CSGALNACT2: variants seen among roughly 807,000 people sequenced by gnomAD.
The protein encoded by CSGALNACT2 is chondroitin sulfate N-acetylgalactosaminyltransferase 2.
CSGALNACT2 carries 35 observed loss-of-function variants against 55.3 expected under a neutral mutation model. The observed-to-expected ratio is 0.63, with a 90% confidence interval of 0.48 to 0.84. The LOEUF (loss-of-function observed/expected upper bound fraction) is 0.84. Among genes scored for constraint, CSGALNACT2 ranks in the 40% least tolerant of loss-of-function variants. The pLI is 0.00. For missense variants in CSGALNACT2, 544 were observed against 657.5 expected (o/e 0.83, Z 1.89); for synonymous variants, 196 against 224.9 (o/e 0.87, Z 1.15).
intron 4 of CSGALNACT2, among the ~76,000 whole-genome samples, chr10:43,161,562 T>C (rs1177058469): frequency 6.6e-6 from 1 of 152,162 alleles, no homozygotes; most frequent in African/African-American, 2.4e-5. Flanking sequence ...ACTGGGGTAG[T>C]TGGAAGAAGA....
chr10:43,177,156 T>C (rs1839496351), intron 7 of CSGALNACT2, among the ~76,000 whole-genome samples: 1 of 152,224 alleles, frequency 6.6e-6, no homozygotes, highest in Non-Finnish European at 1.5e-5. Flanking sequence ...ACTGATGCTC[T>C]TTTCCTTGAT....
In CSGALNACT2 at chr10:43,184,277, C is replaced by T. The variant is rs564058291; in HGVS notation, c.*735C>T. On this transcript the variant is annotated 3_prime_UTR_variant, in exon 8 of 8. Coordinates refer to ENST00000374466, the MANE Select transcript of CSGALNACT2 (RefSeq NM_018590.5). ...TATTTTGAACAAACAGAAAAGAACACGGAAACATTTTTAACAGAGCATTTA... is the reference window on the plus strand; with the variant it reads ...TATTTTGAACAAACAGAAAAGAACATGGAAACATTTTTAACAGAGCATTTA... The T allele has an allele frequency of 2.0e-5, 3 of 152,216 alleles. No homozygotes were observed. The highest frequency in any genetic ancestry group is 2.9e-5 in the Non-Finnish European group (2 of 68,010). The allele number at this position is 152,216 out of a possible 1,614,324, so 9.4% of individuals were successfully genotyped here.
intron 6 of CSGALNACT2, among the ~76,000 whole-genome samples, chr10:43,169,016 G>C (rs1244778224): frequency 2.0e-5 from 3 of 152,192 alleles, no homozygotes; most frequent in African/African-American, 7.2e-5. Context: ...AGGGAGCCTG[G>C]AATAAACATG....
At position 43,155,533 on chromosome 10, in the gene CSGALNACT2, T is replaced by C; in HGVS notation, c.384T>C (p.Ile128=). 1.2e-6 allele frequency: 2 copies of C among 1,614,198 alleles called. No homozygotes were observed. The highest frequency in any genetic ancestry group is 1.7e-6 in the Non-Finnish European group (2 of 1,180,046). ...SDLLEFLHSQ[I]DKAEVSIGAK... The stretch of plus-strand genomic sequence containing the variant: ...TTTTAGAGTTTCTTCATTCCCAAAT[T>C]GACAAAGCTGAAGTTAGCATAGGGG... The change falls in exon 2 of 8, where the codon ATT becomes ATC. Residue 128 remains isoleucine, a synonymous_variant. Coordinates refer to ENST00000374466, the MANE Select transcript of CSGALNACT2 (RefSeq NM_018590.5).
At chr10:43,138,884 G>T (rs1838556288) in intron 1 of CSGALNACT2, among the ~76,000 whole-genome samples, 1 of 152,186 alleles carries the variant, frequency 6.6e-6, no homozygotes, top group African/African-American at 2.4e-5. Flanking sequence ...TCGTCATCGC[G>T]TTAAAATAGT....
intron 1 of CSGALNACT2, among the ~76,000 whole-genome samples, chr10:43,146,961 A>AT (rs1564509484): frequency 8.9e-6 from 1 of 111,910 alleles, no homozygotes; most frequent in African/African-American, 3.4e-5. Context: ...AATGTTGAGC[A>AT]TCTTTTTTTT....
chr10:43,158,049 A>T (rs968325142), intron 2 of CSGALNACT2, among the ~76,000 whole-genome samples: 1 of 150,480 alleles, frequency 6.6e-6, no homozygotes, highest in African/African-American at 2.4e-5. Flanking sequence ...AAAAAAAAAA[A>T]TCAGATTGCC....
At chr10:43,172,617 T>G (rs1338190929) in intron 6 of CSGALNACT2, among the ~76,000 whole-genome samples, 1 of 152,180 alleles carries the variant, frequency 6.6e-6, no homozygotes, top group Non-Finnish European at 1.5e-5. Context: ...TCTGTTATAT[T>G]AATTCATCAA....
intron 5 of CSGALNACT2, 43 bp downstream of exon 5, chr10:43,164,087 A>AC: frequency 6.5e-7 from 1 of 1,536,710 alleles, no homozygotes; most frequent in East Asian, 2.3e-5. Flanking sequence ...AGAATTTAGA[A>AC]CGTTGTCAGC....
intron 6 of CSGALNACT2, among the ~76,000 whole-genome samples, chr10:43,170,549 C>A: frequency 6.6e-6 from 1 of 152,100 alleles, no homozygotes; most frequent in East Asian, 1.9e-4. Flanking sequence ...AAGTAAATAG[C>A]CATGAGTCTA....
At chr10:43,148,923 A>C (rs989002349) in intron 1 of CSGALNACT2, among the ~76,000 whole-genome samples, 1 of 152,176 alleles carries the variant, frequency 6.6e-6, no homozygotes, top group Non-Finnish European at 1.5e-5. Context: ...GTACAATATA[A>C]ATAGAAGTGA....
At chr10:43,169,365 T>C (rs543293624) in intron 6 of CSGALNACT2, among the ~76,000 whole-genome samples, 4 of 152,336 alleles carry the variant, frequency 2.6e-5, no homozygotes, top group African/African-American at 4.8e-5. Flanking sequence ...AATTAACACA[T>C]GAGTATATGA....
Position 43,183,451 on chromosome 10 carries a change from A to G in CSGALNACT2, c.1538A>G (p.His513Arg). The G allele has an allele frequency of 6.2e-7, 1 of 1,614,012 alleles. No individual in the cohort carries two copies. The highest frequency in any genetic ancestry group is 8.5e-7 in the Non-Finnish European group (1 of 1,179,998). The change falls in exon 8 of 8, where the codon CAC becomes CGC. Residue 513 changes from histidine (H) to arginine (R), a missense_variant. Physicochemically the swap from His to Arg is conservative, Grantham distance 29. Coordinates refer to ENST00000374466, the MANE Select transcript of CSGALNACT2 (RefSeq NM_018590.5). ...IQSKAMNEAS[H>R]SHLGMLVFRE... ...TCTAAAGCCATGAATGAGGCCTCTC[A>G]CTCCCACCTGGGAATGCTGGTCTTC...
intron 5 of CSGALNACT2, among the ~76,000 whole-genome samples, chr10:43,165,441 T>C (rs1839243949): frequency 6.6e-6 from 1 of 151,954 alleles, no homozygotes; most frequent in African/African-American, 2.4e-5. Context: ...CATTTCGTAG[T>C]GTATGAATGT....
intron 4 of CSGALNACT2, among the ~76,000 whole-genome samples, chr10:43,160,929 C>T (rs1206582647): frequency 1.3e-5 from 2 of 152,076 alleles, no homozygotes; most frequent in Non-Finnish European, 2.9e-5. Context: ...ACCTTTCTTT[C>T]CTTCCATTTC....
intron 5 of CSGALNACT2, among the ~76,000 whole-genome samples, chr10:43,164,845 CAAAA>C (rs762322937): frequency 7.4e-4 from 51 of 68,528 alleles, no homozygotes; most frequent in African/African-American, 2.7e-3. Flanking sequence ...GACTCCATCT[CAAAA>C]AAAAAAAAAA....
chr10:43,164,161 T>G (rs1434922138), intron 5 of CSGALNACT2, 117 bp downstream of exon 5: 1 of 790,408 alleles, frequency 1.3e-6, no homozygotes, highest in Non-Finnish European at 1.9e-6. Flanking sequence ...CAGTATTTTT[T>G]TAAGTTATAT....
At chr10:43,172,626 A>G (rs1030595045) in intron 6 of CSGALNACT2, among the ~76,000 whole-genome samples, 17 of 152,112 alleles carry the variant, frequency 1.1e-4, no homozygotes, top group African/African-American at 4.1e-4. Context: ...TTAATTCATC[A>G]AATATTGAGG....
rs988806904 is a variant in CSGALNACT2 at position 43,162,707 on chromosome 10, C to G, written c.981-1159C>G. 9.1e-6 allele frequency: 9 copies of G among 983,712 alleles called. No individual in the cohort carries two copies. In the Admixed American group the frequency reaches 1.8e-4, roughly 20 times the overall value. The allele number at this position is 983,712 out of a possible 1,614,324, so 60.9% of individuals were successfully genotyped here. On this transcript the variant is annotated intron_variant, in intron 4 of 7. Transcript: ENST00000374466. ...CTGCACCCTAGTGCAGTGAGTGATTCTCCAGCTTCAGTGCCAGAGTCACCA... is the reference window on the plus strand; with the variant it reads ...CTGCACCCTAGTGCAGTGAGTGATTGTCCAGCTTCAGTGCCAGAGTCACCA...
Sources: gnomAD v4.1 joint callset for allele counts (sites outside exome capture counted in the v4.1 genomes callset) on GRCh38, gnomAD v4.1.1 for gene constraint, MANE v1.5 for transcripts, NCBI Gene and HGNC (gene_info 2026-07-23, HGNC 2026-07-21) for gene names.